PTPRN2: variants seen among roughly 807,000 people sequenced by gnomAD.
PTPRN2 encodes the protein protein tyrosine phosphatase receptor type N2, also known as receptor-type tyrosine-protein phosphatase N2.
PTPRN2 carries 74 observed loss-of-function variants against 118.8 expected under a neutral mutation model. The observed-to-expected ratio is 0.62, with a 90% CI of 0.52 to 0.76. The LOEUF (loss-of-function observed/expected upper bound fraction) is 0.76, where lower values mean the gene tolerates loss of function less well. PTPRN2 is among the 30% of genes least tolerant of loss of function. The probability of loss-of-function intolerance (pLI) is 0.00; values close to 1 mark genes in which losing one functional copy is unlikely to be tolerated. For synonymous variants in PTPRN2, 641 were observed against 608.0 expected, an observed-to-expected ratio of 1.05 and a Z score of -0.80; for missense variants, 1,481 against 1,394.4, an observed-to-expected ratio of 1.06 and a Z score of -0.99.
At chr7:157,849,869 G>A (rs1462178770) in intron 12 of PTPRN2, among the ~76,000 whole-genome samples, 1 of 152,056 alleles carries the variant, frequency 6.6e-6, no homozygotes, top group Non-Finnish European at 1.5e-5. Context: ...TCACCATGGA[G>A]GAGGGGAAGA....
In PTPRN2 at chr7:157,665,655, A is replaced by T. The variant is rs1240778624; in HGVS notation, c.2002-9104T>A. Among the ~76,000 whole-genome samples, 5 of 152,220 alleles carry T rather than the reference A, an allele frequency of 3.3e-5. No homozygotes were observed. In the East Asian group the frequency reaches 5.8e-4, roughly 18 times the overall value. ...TATGTGAACTAAGAAAAGGACTATA[A>T]ATCATGCTACCATAAGGACACATGC... On this transcript the variant is annotated intron_variant, in intron 13 of 22. Coordinates refer to ENST00000389418, the MANE Select transcript of PTPRN2 (RefSeq NM_002847.5).
At chr7:157,942,433 C>T (rs531399097) in intron 11 of PTPRN2, among the ~76,000 whole-genome samples, 16 of 152,248 alleles carry the variant, frequency 1.1e-4, no homozygotes, top group African/African-American at 3.6e-4. Flanking sequence ...GCAGCCTCAG[C>T]GAATGTCCTG....
intron 11 of PTPRN2, among the ~76,000 whole-genome samples, chr7:157,968,504 A>G (rs1198233325): frequency 6.6e-6 from 1 of 152,186 alleles, no homozygotes; most frequent in African/African-American, 2.4e-5. Flanking sequence ...GGTTGTGTGA[A>G]TGGATGTGAA....
intron 2 of PTPRN2, among the ~76,000 whole-genome samples, chr7:158,458,900 G>A (rs1818741730): frequency 6.6e-6 from 1 of 152,192 alleles, no homozygotes; most frequent in Admixed American, 6.5e-5. Context: ...GATCTTCAGA[G>A]GTGCACCCTC....
chr7:157,563,062 A>C (rs1799286454), intron 21 of PTPRN2, among the ~76,000 whole-genome samples: 1 of 127,432 alleles, frequency 7.8e-6, no homozygotes. Context: ...ATCACCACAC[A>C]CCACAGATCA....
At chr7:158,329,483 C>G (rs34173461) in intron 2 of PTPRN2, among the ~76,000 whole-genome samples, 60,694 of 151,892 alleles carry the variant, frequency 0.4, 12,308 homozygotes, top group Middle Eastern at 0.47. Context: ...CTTCCTTACA[C>G]AGGCCCCAAG....
At chr7:157,578,385 A>C (rs1043866375) in intron 17 of PTPRN2, among the ~76,000 whole-genome samples, 1 of 152,204 alleles carries the variant, frequency 6.6e-6, no homozygotes, top group African/African-American at 2.4e-5. Context: ...GAGCTTCCTC[A>C]GGTGTAGGTT....
intron 2 of PTPRN2, among the ~76,000 whole-genome samples, chr7:158,485,339 A>T (rs1586778274): frequency 1.4e-5 from 2 of 141,692 alleles, no homozygotes; most frequent in South Asian, 4.5e-4. Flanking sequence ...AAGCTCGGCC[A>T]CCCCTCTGCG....
chr7:157,658,713 C>T (rs1795728883), intron 13 of PTPRN2, among the ~76,000 whole-genome samples: 1 of 152,220 alleles, frequency 6.6e-6, no homozygotes, highest in Non-Finnish European at 1.5e-5. Context: ...ATAGCCCGTC[C>T]TATTGCCTGA....
At chr7:158,133,640 C>G (rs1364768603) in intron 9 of PTPRN2, 37 bp downstream of exon 9, 3 of 1,523,904 alleles carry the variant, frequency 2.0e-6, no homozygotes, top group African/African-American at 2.8e-5. Context: ...CAAGCCCTCC[C>G]TCGGCACACA....
chr7:158,113,619 C>T (rs1816469619), intron 9 of PTPRN2, among the ~76,000 whole-genome samples: 1 of 152,146 alleles, frequency 6.6e-6, no homozygotes, highest in African/African-American at 2.4e-5. Flanking sequence ...CAGGCGCATG[C>T]CGTGACTAGT....
At chr7:157,806,840 G>T (rs1165235641) in intron 12 of PTPRN2, among the ~76,000 whole-genome samples, 2 of 152,198 alleles carry the variant, frequency 1.3e-5, no homozygotes, top group African/African-American at 4.8e-5. Context: ...GTACTTGGAG[G>T]GCCACTGGCA....
At chr7:157,841,767 T>C (rs1249153272) in intron 12 of PTPRN2, among the ~76,000 whole-genome samples, 1 of 152,182 alleles carries the variant, frequency 6.6e-6, no homozygotes, top group Non-Finnish European at 1.5e-5. Context: ...TACTATTTTT[T>C]CTACATTTAT....
intron 6 of PTPRN2, among the ~76,000 whole-genome samples, chr7:158,141,440 T>C (rs1344568126): frequency 1.3e-5 from 2 of 152,158 alleles, no homozygotes; most frequent in Non-Finnish European, 2.9e-5. Flanking sequence ...CGTGCCCCGT[T>C]CACTGCATAC....
At chr7:157,579,457 C>T (rs897498300) in intron 17 of PTPRN2, among the ~76,000 whole-genome samples, 1 of 152,184 alleles carries the variant, frequency 6.6e-6, no homozygotes, top group Non-Finnish European at 1.5e-5. Flanking sequence ...TTTAATGTGC[C>T]TTCAGAAGGT....
chr7:157,611,941 G>A lies in PTPRN2; in HGVS notation c.2345-7866C>T, dbSNP rs1802371050. Reference sequence around the variant, plus strand: ...CGCCCGTGTGAAGACGAAGACAGCCGTGGTCGTGCTGAGGAGCGAGGCCTC... The same window carrying A: ...CGCCCGTGTGAAGACGAAGACAGCCATGGTCGTGCTGAGGAGCGAGGCCTC... On this transcript the variant is annotated intron_variant, in intron 15 of 22. Transcript: ENST00000389418. The surrounding 1 kb of genome is among the most constrained non-coding windows in gnomAD (Gnocchi z 5.9). Among the ~76,000 whole-genome samples the A allele has an allele frequency of 6.6e-6, 1 of 152,212 alleles. No homozygotes were observed. Among genetic ancestry groups the A allele is most frequent in the African/African-American group, 2.4e-5 (1 of 41,462 alleles).
chr7:158,175,305 G>A (rs1018661510), intron 5 of PTPRN2, among the ~76,000 whole-genome samples: 4 of 152,190 alleles, frequency 2.6e-5, no homozygotes, highest in East Asian at 1.9e-4. Context: ...AGCCGGCACC[G>A]GATGCGGCCA....
chr7:157,722,711 A>G (rs1232342603), intron 12 of PTPRN2, among the ~76,000 whole-genome samples: 1 of 152,092 alleles, frequency 6.6e-6, no homozygotes, highest in African/African-American at 2.4e-5. Flanking sequence ...AGGAGGCATG[A>G]GTGCCAGCCT....
In PTPRN2 at chr7:157,585,484, A is replaced by G. The variant is rs1346976352; in HGVS notation, c.2497-7344T>C. On this transcript the variant is annotated intron_variant, in intron 17 of 22. Transcript: ENST00000389418. This position sits in a 1 kb window ranked among gnomAD's most constrained non-coding sequence, Gnocchi z 5.2. Reference sequence around the variant, plus strand: ...TCCCACGGTGGGAATGCACTCACACACTGGACTTCCTCTCCACCCGGCCTT... The same window carrying G: ...TCCCACGGTGGGAATGCACTCACACGCTGGACTTCCTCTCCACCCGGCCTT... 6.6e-6 allele frequency among the ~76,000 whole-genome samples: 1 copy of G among 152,064 alleles called. No individual in the cohort carries two copies. The highest frequency in any genetic ancestry group is 2.4e-5 in the African/African-American group (1 of 41,422).
Sources: allele counts gnomAD v4.1 joint callset (sites outside exome capture counted in the v4.1 genomes callset), GRCh38; gene constraint gnomAD v4.1.1; non-coding constraint Gnocchi (gnomAD v3.1); transcripts MANE v1.5; gene names NCBI Gene and HGNC (gene_info 2026-07-23, HGNC 2026-07-21).